Variants in NR3C2 observed in about 807,000 individuals in gnomAD.
NR3C2 encodes the protein nuclear receptor subfamily 3 group C member 2.
NR3C2 carries 15 observed loss-of-function variants against 86.4 expected under a neutral mutation model. The observed-to-expected ratio is 0.17, with a 90% CI of 0.12 to 0.27. The LOEUF (loss-of-function observed/expected upper bound fraction) is 0.27. Among genes scored for constraint, NR3C2 ranks in the 10% least tolerant of loss-of-function variants. NR3C2 has a pLI of 1.00. For synonymous variants in NR3C2, 458 were observed against 450.5 expected (o/e 1.02, Z -0.21); for missense variants, 960 against 1,195.6 (o/e 0.80, Z 2.91).
At chr4:148,420,577 G>C (rs571085716) in intron 2 of NR3C2, among the ~76,000 whole-genome samples, 17 of 152,262 alleles carry the variant, frequency 1.1e-4, no homozygotes, top group African/African-American at 3.9e-4. Flanking sequence ...TAGATTGGGT[G>C]TTCCTAAAAG....
chr4:148,368,238 A>C (rs1746247045), intron 2 of NR3C2: 1 of 152,098 alleles, frequency 6.6e-6, no homozygotes, highest in Admixed American at 6.6e-5. Flanking sequence ...CACAAACCCC[A>C]GCTGAGATTC....
intron 4 of NR3C2, among the ~76,000 whole-genome samples, chr4:148,191,597 T>G (rs1736198340): frequency 6.6e-6 from 1 of 152,256 alleles, no homozygotes; most frequent in African/African-American, 2.4e-5. Context: ...TTTAGAATTC[T>G]CTTCTTCCTC....
At chr4:148,317,848 T>C (rs1743282486) in intron 2 of NR3C2, among the ~76,000 whole-genome samples, 1 of 151,922 alleles carries the variant, frequency 6.6e-6, no homozygotes, top group Non-Finnish European at 1.5e-5. Flanking sequence ...AAATTTTGAA[T>C]ATGTGTTCTA....
chr4:148,410,732 A>G (rs1263124216), intron 2 of NR3C2, among the ~76,000 whole-genome samples: 1 of 152,178 alleles, frequency 6.6e-6, no homozygotes, highest in Non-Finnish European at 1.5e-5. Flanking sequence ...AGGTGAAAAA[A>G]GGTCACTCCA....
chr4:148,113,628 T>A (rs1230234076), intron 8 of NR3C2, among the ~76,000 whole-genome samples: 1 of 152,188 alleles, frequency 6.6e-6, no homozygotes, highest in Non-Finnish European at 1.5e-5. Context: ...CAGCAATAAC[T>A]CAAGCATACC....
chr4:148,246,419 T>TA (rs1290478682), intron 3 of NR3C2, among the ~76,000 whole-genome samples: 1 of 152,204 alleles, frequency 6.6e-6, no homozygotes, highest in Non-Finnish European at 1.5e-5. Flanking sequence ...TTGAGGATTT[T>TA]AAAAAAATTC....
At chr4:148,392,087 A>G (rs1402085163) in intron 2 of NR3C2, among the ~76,000 whole-genome samples, 1 of 152,170 alleles carries the variant, frequency 6.6e-6, no homozygotes, top group Admixed American at 6.5e-5. Context: ...AATCTGGGGT[A>G]ATATTTCAAA....
At chr4:148,160,026 C>T (rs981021814) in intron 4 of NR3C2, among the ~76,000 whole-genome samples, 20 of 152,166 alleles carry the variant, frequency 1.3e-4, no homozygotes. Context: ...ATTAATGTGA[C>T]TGTAAATGTC....
chr4:148,271,222 C>A (rs1740668730), intron 2 of NR3C2, among the ~76,000 whole-genome samples: 1 of 152,102 alleles, frequency 6.6e-6, no homozygotes, highest in Non-Finnish European at 1.5e-5. Flanking sequence ...TTTTCATATG[C>A]TTTGCTTTTT....
intron 2 of NR3C2, among the ~76,000 whole-genome samples, chr4:148,274,001 A>G (rs963869705): frequency 6.6e-6 from 1 of 151,920 alleles, no homozygotes; most frequent in Non-Finnish European, 1.5e-5. Flanking sequence ...GCTTCACACT[A>G]GGAGCACTGG....
intron 2 of NR3C2, among the ~76,000 whole-genome samples, chr4:148,392,425 G>A (rs1276070548): frequency 6.6e-6 from 1 of 152,226 alleles, no homozygotes; most frequent in Non-Finnish European, 1.5e-5. Flanking sequence ...CAAGATTGAA[G>A]TTGTGTTTTT....
Position 148,352,835 on chromosome 4 carries a change from A to G in NR3C2, c.1757+82269T>C, listed in dbSNP as rs1745361701. ...AATAATCTAACCACTAAACTCACAA[A>G]GCAAACCCCTAAAAATAAAGATTCT... On this transcript the variant is annotated intron_variant, in intron 2 of 8. Transcript: ENST00000358102. Among the ~76,000 whole-genome samples, 4 of 152,188 alleles carry G rather than the reference A, an allele frequency of 2.6e-5. No homozygotes were observed. The South Asian group carries it at 8.3e-4, about 31-fold the overall frequency.
intron 2 of NR3C2, among the ~76,000 whole-genome samples, chr4:148,269,677 A>T (rs1437899901): frequency 1.3e-5 from 2 of 152,202 alleles, no homozygotes; most frequent in Non-Finnish European, 2.9e-5. Context: ...ACAAAACAAA[A>T]AAAACACCTG....
intron 2 of NR3C2, among the ~76,000 whole-genome samples, chr4:148,312,355 T>C (rs13149615): frequency 0.29 from 43,679 of 152,144 alleles, 7,445 homozygotes; most frequent in East Asian, 0.54. Flanking sequence ...TTGCATTCAG[T>C]TCAACCACAT....
intron 3 of NR3C2, among the ~76,000 whole-genome samples, chr4:148,252,797 C>T (rs922174640): frequency 2.6e-5 from 4 of 152,114 alleles, no homozygotes; most frequent in African/African-American, 9.7e-5. Context: ...CTCTCTTGCT[C>T]TAATCTTCCC....
chr4:148,352,179 A>G (rs1015623181), intron 2 of NR3C2, among the ~76,000 whole-genome samples: 25 of 152,186 alleles, frequency 1.6e-4, no homozygotes, highest in African/African-American at 5.6e-4. Context: ...CCCACTTTCC[A>G]GCAATGAAAC....
At chr4:148,131,070 G>A (rs868286231) in intron 6 of NR3C2, among the ~76,000 whole-genome samples, 22 of 152,110 alleles carry the variant, frequency 1.4e-4, no homozygotes, top group African/African-American at 5.1e-4. Flanking sequence ...CTGACCTTGT[G>A]ATCCGCCTGC....
intron 2 of NR3C2, among the ~76,000 whole-genome samples, chr4:148,400,052 C>T (rs1026926259): frequency 2.6e-5 from 4 of 152,328 alleles, no homozygotes; most frequent in South Asian, 2.1e-4. Context: ...CAATTTAAAA[C>T]GTTTTATGTC....
chr4:148,203,611 G>A (rs955082516), intron 3 of NR3C2, among the ~76,000 whole-genome samples: 1 of 151,878 alleles, frequency 6.6e-6, no homozygotes. Flanking sequence ...GCAAATTCCC[G>A]CATTGCAGAT....
Sources: gnomAD v4.1 joint callset for allele counts (sites outside exome capture counted in the v4.1 genomes callset) on GRCh38, gnomAD v4.1.1 for gene constraint, MANE v1.5 for transcripts, NCBI Gene and HGNC (gene_info 2026-07-23, HGNC 2026-07-21) for gene names.